Variants in REDIC1 observed in about 807,000 individuals in gnomAD.
REDIC1 encodes regulator of DNA class I crossover intermediates 1.
chr12:39,649,955 T>G, the REDIC1 span, among the ~76,000 whole-genome samples: 68 of 152,036 alleles, frequency 4.5e-4, 1 homozygote, highest in South Asian at 0.013. Flanking sequence ...TCCTGGGTGT[T>G]TTTTTGTTTT....
At chr12:39,701,110 C>CTT in the REDIC1 span, among the ~76,000 whole-genome samples, 1 of 149,134 alleles carries the variant, frequency 6.7e-6, no homozygotes. Context: ...TGTAAATGGA[C>CTT]TAAATGCTCC....
the REDIC1 span, among the ~76,000 whole-genome samples, chr12:39,817,180 A>G: frequency 3.3e-5 from 5 of 152,244 alleles, no homozygotes; most frequent in Non-Finnish European, 7.3e-5. Flanking sequence ...TTCTTTGAAC[A>G]TCTCTCACAG....
chr12:39,893,620 G>A, the REDIC1 span, among the ~76,000 whole-genome samples: 1 of 152,178 alleles, frequency 6.6e-6, no homozygotes, highest in Non-Finnish European at 1.5e-5. Flanking sequence ...TTTCTAATAA[G>A]AGTAAAATCC....
the REDIC1 span, among the ~76,000 whole-genome samples, chr12:39,658,000 G>A: frequency 2.0e-5 from 3 of 151,512 alleles, no homozygotes; most frequent in African/African-American, 7.3e-5. Flanking sequence ...GGCATTTTAG[G>A]GCTATAAATT....
the REDIC1 span, among the ~76,000 whole-genome samples, chr12:39,734,440 C>T: frequency 1.3e-5 from 2 of 152,088 alleles, no homozygotes; most frequent in Non-Finnish European, 2.9e-5. Flanking sequence ...TCAAATTTGT[C>T]TTTTAAAAAA....
the REDIC1 span, among the ~76,000 whole-genome samples, chr12:39,642,119 A>G: frequency 2.0e-5 from 3 of 151,786 alleles, no homozygotes; most frequent in South Asian, 4.1e-4. Flanking sequence ...TTCTTTTCAA[A>G]TTGTTTTCTA....
chr12:39,868,009 C>T, the REDIC1 span, among the ~76,000 whole-genome samples: 1 of 152,152 alleles, frequency 6.6e-6, no homozygotes, highest in African/African-American at 2.4e-5. Context: ...CTCATATACA[C>T]TATTAAAGCA....
At chr12:39,750,590 G>A in the REDIC1 span, among the ~76,000 whole-genome samples, 1 of 152,190 alleles carries the variant, frequency 6.6e-6, no homozygotes, top group East Asian at 1.9e-4. Flanking sequence ...CCAAAAAAGA[G>A]CCCGCATTGC....
At chr12:39,798,727 A>G in the REDIC1 span, among the ~76,000 whole-genome samples, 1 of 152,148 alleles carries the variant, frequency 6.6e-6, no homozygotes, top group African/African-American at 2.4e-5. Flanking sequence ...ACCTTCTGGG[A>G]CATTTCTCAT....
chr12:39,882,766 C>T, the REDIC1 span, among the ~76,000 whole-genome samples: 1 of 131,494 alleles, frequency 7.6e-6, no homozygotes, highest in Non-Finnish European at 1.7e-5. Context: ...CTTCTAAATT[C>T]CTTCTACATT....
At chr12:39,878,401 G>A in the REDIC1 span, among the ~76,000 whole-genome samples, 4 of 152,214 alleles carry the variant, frequency 2.6e-5, no homozygotes, top group Non-Finnish European at 5.9e-5. Context: ...ATAGTGATAT[G>A]GACGGTGAAG....
At chr12:39,791,038 A>G in the REDIC1 span, among the ~76,000 whole-genome samples, 32 of 123,372 alleles carry the variant, frequency 2.6e-4, no homozygotes, top group African/African-American at 9.7e-4. Context: ...GTGTCTGTTC[A>G]TGTCCTTTGC....
the REDIC1 span, chr12:39,643,906 A>C: frequency 6.4e-7 from 1 of 1,553,998 alleles, no homozygotes; most frequent in Non-Finnish European, 8.7e-7. Flanking sequence ...TCTTGCAAGA[A>C]GAAAATTCCT....
the REDIC1 span, among the ~76,000 whole-genome samples, chr12:39,692,990 T>C: frequency 6.6e-6 from 1 of 152,140 alleles, no homozygotes; most frequent in South Asian, 2.1e-4. Context: ...TGATAGCTCA[T>C]TGTAGTTCTA....
chr12:39,709,496 A>G, the REDIC1 span, among the ~76,000 whole-genome samples: 1 of 151,258 alleles, frequency 6.6e-6, no homozygotes, highest in African/African-American at 2.4e-5. Context: ...CTAAACAACA[A>G]TTTCCTACTT....
chr12:39,907,035 C>A, the REDIC1 span, among the ~76,000 whole-genome samples: 1 of 152,078 alleles, frequency 6.6e-6, no homozygotes, highest in Non-Finnish European at 1.5e-5. Context: ...AGATACAATG[C>A]AAATTAACCC....
At chr12:39,824,033 C>A in the REDIC1 span, among the ~76,000 whole-genome samples, 4 of 151,764 alleles carry the variant, frequency 2.6e-5, no homozygotes, top group Non-Finnish European at 5.9e-5. Flanking sequence ...AATTTTAAAC[C>A]CTTATATATT....
the REDIC1 span, among the ~76,000 whole-genome samples, chr12:39,768,314 G>A: frequency 6.6e-6 from 1 of 152,158 alleles, no homozygotes; most frequent in South Asian, 2.1e-4. Context: ...TCTTCATATC[G>A]GCAATAAGGC....
the REDIC1 span, among the ~76,000 whole-genome samples, chr12:39,701,356 G>T: frequency 6.6e-6 from 1 of 152,174 alleles, no homozygotes; most frequent in South Asian, 2.1e-4. Flanking sequence ...TTACATAATG[G>T]TAAAGGGATC....
Sources: allele counts gnomAD v4.1 joint callset (sites outside exome capture counted in the v4.1 genomes callset), GRCh38; gene constraint gnomAD v4.1.1; transcripts MANE v1.5; gene names NCBI Gene and HGNC (gene_info 2026-07-23, HGNC 2026-07-21).